The following MEF2D variants were observed in gnomAD, a reference collection of about 807,000 sequenced individuals.
MEF2D encodes the protein myocyte-specific enhancer factor 2D.
MEF2D carries 10 observed loss-of-function variants against 59.3 expected under a neutral mutation model. The observed-to-expected ratio is 0.17, with a 90% CI of 0.10 to 0.29. The LOEUF is 0.29. MEF2D is among the 10% of genes least tolerant of loss of function. The probability of loss-of-function intolerance (pLI) is 1.00; values close to 1 mark genes in which losing one functional copy is unlikely to be tolerated. For synonymous variants in MEF2D, 305 were observed against 295.0 expected (o/e 1.03, Z -0.35); for missense variants, 508 against 699.4 (o/e 0.73, Z 3.09).
At chr1:156,480,090 G>T (rs193081830) in intron 4 of MEF2D, among the ~76,000 whole-genome samples, 294 of 152,252 alleles carry the variant, frequency 1.9e-3, no homozygotes, top group African/African-American at 6.6e-3. Context: ...GTGGAGGTGG[G>T]TTAGTCCTCA....
intron 1 of MEF2D, among the ~76,000 whole-genome samples, chr1:156,494,385 A>G (rs1368210458): frequency 6.6e-6 from 1 of 152,136 alleles, no homozygotes; most frequent in Non-Finnish European, 1.5e-5. Flanking sequence ...TGAGAGAATC[A>G]CGAGGGATAA....
At position 156,500,676 on chromosome 1, in the gene MEF2D, G is replaced by A. The variant is rs1377617967; in HGVS notation, c.-329C>T. On this transcript the variant is annotated 5_prime_UTR_variant, in exon 1 of 12. Transcript: ENST00000348159. ...GTCGTGGGCGCGGGGGCCAGCAGGC[G>A]GGCGGCAGGCAAGCGGGGAACCGGG... is the stretch of plus-strand genomic sequence containing the variant. 2 of 152,046 alleles carry A rather than the reference G, an allele frequency of 1.3e-5. No homozygotes were observed. The highest frequency in any genetic ancestry group is 2.9e-5 in the Non-Finnish European group (2 of 68,002). The allele number at this position is 152,046 out of a possible 1,614,324, so 9.4% of individuals were successfully genotyped here. A position where few individuals can be genotyped will look rare whatever the true frequency, so the allele number is the denominator to read the frequency against.
chr1:156,471,200 G>A (rs1433343388), intron 9 of MEF2D, among the ~76,000 whole-genome samples: 1 of 151,852 alleles, frequency 6.6e-6, no homozygotes, highest in Non-Finnish European at 1.5e-5. Context: ...GCGTGATCTC[G>A]GCTCACCGCA....
At chr1:156,482,817 G>A (rs969692256) in intron 2 of MEF2D, among the ~76,000 whole-genome samples, 177 bp from the exon 3 acceptor site, 64 of 152,304 alleles carry the variant, frequency 4.2e-4, no homozygotes, top group African/African-American at 1.5e-3. Flanking sequence ...GTGCCTGTAG[G>A]CCAACACACA....
At chr1:156,478,128 T>C (rs541133803) in intron 6 of MEF2D, among the ~76,000 whole-genome samples, 16 of 152,354 alleles carry the variant, frequency 1.1e-4, no homozygotes, top group Non-Finnish European at 2.1e-4. Context: ...AGGGCCTCTA[T>C]GGATCACTGC....
At chr1:156,497,194 T>A (rs2102287691) in intron 1 of MEF2D, among the ~76,000 whole-genome samples, 1 of 152,302 alleles carries the variant, frequency 6.6e-6, no homozygotes, top group South Asian at 2.1e-4. Context: ...CAGCTTCTAG[T>A]ACCTAACCGC....
chr1:156,495,386 T>G (rs1673069815), intron 1 of MEF2D, among the ~76,000 whole-genome samples: 1 of 152,208 alleles, frequency 6.6e-6, no homozygotes, highest in Non-Finnish European at 1.5e-5. Context: ...AAAACAGTTT[T>G]AGAGAGAAAC....
At chr1:156,494,087 T>C (rs545663253) in intron 1 of MEF2D, among the ~76,000 whole-genome samples, 2 of 152,164 alleles carry the variant, frequency 1.3e-5, no homozygotes, top group African/African-American at 4.8e-5. Context: ...TTTCAGATCA[T>C]CCCATCCTCC....
At chr1:156,485,526 T>C (rs1459881832) in intron 1 of MEF2D, among the ~76,000 whole-genome samples, 74 of 146,030 alleles carry the variant, frequency 5.1e-4, no homozygotes, top group African/African-American at 1.7e-3. Context: ...CTTCTTCTTT[T>C]TTTTTTTTTT....
intron 9 of MEF2D, among the ~76,000 whole-genome samples, chr1:156,469,600 A>AAC (rs1416015057): frequency 6.4e-5 from 7 of 109,830 alleles, no homozygotes; most frequent in African/African-American, 1.3e-4. Context: ...AAAAAAAAAA[A>AAC]AAAAAACAGC....
chr1:156,494,517 C>T (rs1201176544), intron 1 of MEF2D, among the ~76,000 whole-genome samples: 1 of 152,060 alleles, frequency 6.6e-6, no homozygotes. Flanking sequence ...CCCAACCCAT[C>T]CCAGGGCCAA....
At chr1:156,496,686 C>G (rs1015883222) in intron 1 of MEF2D, among the ~76,000 whole-genome samples, 3 of 152,196 alleles carry the variant, frequency 2.0e-5, no homozygotes, top group Admixed American at 6.5e-5. Flanking sequence ...TTCACTACCC[C>G]CCACCTCCCG....
intron 9 of MEF2D, among the ~76,000 whole-genome samples, chr1:156,470,066 A>G (rs554946489): frequency 2.0e-5 from 3 of 152,364 alleles, no homozygotes; most frequent in African/African-American, 7.2e-5. Flanking sequence ...GGGGGTGTTC[A>G]TTACGTCATA....
At chr1:156,485,278 A>G (rs765218217) in intron 1 of MEF2D, among the ~76,000 whole-genome samples, 1 of 152,142 alleles carries the variant, frequency 6.6e-6, no homozygotes, top group Non-Finnish European at 1.5e-5. Flanking sequence ...GCCCAACTCT[A>G]CATGGCCCCT....
intron 5 of MEF2D, 106 bp from the exon 6 acceptor site, chr1:156,479,452 C>T (rs775903191): frequency 1.4e-6 from 2 of 1,481,054 alleles, no homozygotes; most frequent in Non-Finnish European, 1.8e-6. Flanking sequence ...AGTCATACTC[C>T]CTTCCCTCAG....
At chr1:156,481,468 A>G (rs1263047102) in intron 3 of MEF2D, among the ~76,000 whole-genome samples, 1 of 152,116 alleles carries the variant, frequency 6.6e-6, no homozygotes, top group Non-Finnish European at 1.5e-5. Flanking sequence ...GGAGACAGAG[A>G]GAGCGGGGAA....
Position 156,479,622 on chromosome 1 carries a change from C to A in MEF2D, c.571G>T (p.Val191Leu). Residue 191 changes from valine to leucine, a missense_variant, in exon 5 of 12, where the codon GTG (valine) becomes TTG (leucine). By Grantham distance (32) the Val-to-Leu change is conservative (BLOSUM62 1). Coordinates refer to ENST00000348159, the MANE Select transcript of MEF2D (RefSeq NM_005920.4). ...PQQPALQRNS[V>L]SPGLPQRPAS... The stretch of plus-strand genomic sequence containing the variant: ...GGCCGCTGGGGCAGGCCAGGAGACA[C>A]ACTGTTCCTCTGTAGTGCTGGCTGC... The A allele has an allele frequency of 6.4e-7, 1 of 1,552,854 alleles. No individual in the cohort carries two copies. The highest frequency in any genetic ancestry group is 8.7e-7 in the Non-Finnish European group (1 of 1,147,860).
chr1:156,491,741 A>G lies in MEF2D; in HGVS notation c.-138-8311T>C, dbSNP rs112149633. Reference sequence around the variant, plus strand: ...AACCCAAGCCTAAGGCTGTCTTCATACTCCATCCCAGCAGGCCGAGCTGCA... The same window carrying G: ...AACCCAAGCCTAAGGCTGTCTTCATGCTCCATCCCAGCAGGCCGAGCTGCA... On this transcript the variant is annotated intron_variant, in intron 1 of 11. Coordinates refer to ENST00000348159, the MANE Select transcript of MEF2D (RefSeq NM_005920.4). 1.7e-3 allele frequency among the ~76,000 whole-genome samples: 254 copies of G among 152,058 alleles called. 2 individuals carry two copies. The highest frequency in any genetic ancestry group is 6.0e-3 in the African/African-American group (249 of 41,438).
In MEF2D at chr1:156,483,332, C is replaced by T. The variant is rs200831926; in HGVS notation, c.-40G>A. On this transcript the variant is annotated 5_prime_UTR_variant, in exon 2 of 12. Transcript: ENST00000348159. Reference sequence around the variant, plus strand: ...CTCAGTGCTACGGAGGGGAGGGGCTCGCTGGGTGGTGGGTCTCGGCACACC... The same window carrying T: ...CTCAGTGCTACGGAGGGGAGGGGCTTGCTGGGTGGTGGGTCTCGGCACACC... 1.1e-4 allele frequency: 171 copies of T among 1,600,876 alleles called. No individual in the cohort carries two copies. The highest frequency in any genetic ancestry group is 1.4e-4 in the Non-Finnish European group (164 of 1,167,998).
Sources: gnomAD v4.1 joint callset for allele counts (sites outside exome capture counted in the v4.1 genomes callset) on GRCh38, gnomAD v4.1.1 for gene constraint, MANE v1.5 for transcripts, NCBI Gene and HGNC (gene_info 2026-07-23, HGNC 2026-07-21) for gene names.